MSRB3: variants seen among roughly 807,000 people sequenced by gnomAD.
MSRB3 encodes methionine-R-sulfoxide reductase B3.
Under a neutral mutation model 21.0 loss-of-function variants are expected in MSRB3, and 13 were observed. The ratio of observed to expected loss-of-function variants is 0.62; its 90% CI spans 0.40 to 0.98. The LOEUF (loss-of-function observed/expected upper bound fraction) is 0.98, where lower values mean the gene tolerates loss of function less well. Among genes scored for constraint, MSRB3 ranks in the 50% least tolerant of loss-of-function variants. The pLI is 0.00. For synonymous variants in MSRB3, 87 were observed against 88.6 expected (o/e 0.98, Z 0.10); for missense variants, 199 against 230.3 (o/e 0.86, Z 0.88).
intron 5 of MSRB3, among the ~76,000 whole-genome samples, chr12:65,405,611 G>A (rs1718068851): frequency 6.6e-6 from 1 of 152,070 alleles, no homozygotes; most frequent in Non-Finnish European, 1.5e-5. Context: ...TACCCCAGTA[G>A]TGGGATTTCT....
At chr12:65,354,312 G>C (rs1877242493) in intron 4 of MSRB3, among the ~76,000 whole-genome samples, 1 of 152,028 alleles carries the variant, frequency 6.6e-6, no homozygotes, top group Admixed American at 6.6e-5. Flanking sequence ...ATAATATCCT[G>C]CAGAGTGTTT....
At chr12:65,446,768 A>G (rs1487269986) in intron 5 of MSRB3, among the ~76,000 whole-genome samples, 1 of 152,150 alleles carries the variant, frequency 6.6e-6, no homozygotes, top group Non-Finnish European at 1.5e-5. Context: ...AATGGGTGTG[A>G]CCAATTAAAG....
intron 6 of MSRB3, among the ~76,000 whole-genome samples, chr12:65,456,831 C>T (rs993515341): frequency 6.6e-6 from 1 of 152,308 alleles, no homozygotes; most frequent in Non-Finnish European, 1.5e-5. Context: ...GGTATGTGTG[C>T]CACACCCTTG....
chr12:65,452,867 C>T (rs1425036990), intron 5 of MSRB3, among the ~76,000 whole-genome samples: 1 of 152,158 alleles, frequency 6.6e-6, no homozygotes, highest in South Asian at 2.1e-4. Context: ...AACATCGCCC[C>T]TCTTTCATCA....
chr12:65,411,724 A>G (rs1880724660), intron 5 of MSRB3, among the ~76,000 whole-genome samples: 1 of 149,844 alleles, frequency 6.7e-6, no homozygotes, highest in Non-Finnish European at 1.5e-5. Flanking sequence ...ATTAAGCTAG[A>G]TTTATAATAT....
intron 2 of MSRB3, among the ~76,000 whole-genome samples, chr12:65,322,901 A>C (rs567948790): frequency 6.6e-6 from 1 of 152,286 alleles, no homozygotes; most frequent in South Asian, 2.1e-4. Context: ...CCTGGCATGT[A>C]GGAGGACTCA....
intron 1 of MSRB3, among the ~76,000 whole-genome samples, chr12:65,287,264 A>T (rs1030432974): frequency 2.6e-5 from 4 of 151,250 alleles, no homozygotes; most frequent in Admixed American, 2.0e-4. Flanking sequence ...CTAGGACTAC[A>T]GGCTTGTGTC....
intron 1 of MSRB3, among the ~76,000 whole-genome samples, chr12:65,302,500 C>A (rs148255680): frequency 3.9e-5 from 6 of 152,222 alleles, no homozygotes; most frequent in African/African-American, 1.4e-4. Context: ...TTTTCATGTT[C>A]ATCAGCACCT....
intron 4 of MSRB3, among the ~76,000 whole-genome samples, chr12:65,346,302 C>T (rs374900972): frequency 5.1e-4 from 78 of 152,030 alleles, no homozygotes; most frequent in East Asian, 2.1e-3. Context: ...TGGTATCTCA[C>T]TGTGGTTTTG....
chr12:65,287,564 G>T (rs552344754), intron 1 of MSRB3, among the ~76,000 whole-genome samples: 2 of 152,166 alleles, frequency 1.3e-5, no homozygotes, highest in African/African-American at 4.8e-5. Context: ...GAAAGGTAAG[G>T]TCATATCTTC....
At chr12:65,337,005 C>A (rs1309820116) in intron 4 of MSRB3, among the ~76,000 whole-genome samples, 1 of 151,956 alleles carries the variant, frequency 6.6e-6, no homozygotes, top group Non-Finnish European at 1.5e-5. Context: ...GCACTTTGGG[C>A]GGCTGAGGCG....
intron 4 of MSRB3, among the ~76,000 whole-genome samples, chr12:65,334,175 C>T (rs936664256): frequency 5.3e-4 from 80 of 152,308 alleles, no homozygotes; most frequent in African/African-American, 1.8e-3. Context: ...AGGCCTTCCA[C>T]TGAATAGCTC....
At chr12:65,369,951 A>G (rs548104515) in intron 5 of MSRB3, among the ~76,000 whole-genome samples, 114 of 152,210 alleles carry the variant, frequency 7.5e-4, no homozygotes, top group Non-Finnish European at 1.2e-3. Context: ...TCCTTTTGAT[A>G]GTAGTGTTAA....
In MSRB3 at chr12:65,326,906, C is replaced by T. The variant is rs1401233586; in HGVS notation, c.157C>T (p.His53Tyr). ...GAAGCGGCTAACACCCCTGCAGTAC[C>T]ATGTCACTCAGGAGAAAGGGACCGA... The part of the protein sequence containing the change: ...LRKRLTPLQY[H>Y]VTQEKGTESA... The change falls in exon 3 of 7, where the codon CAT (histidine) becomes TAT (tyrosine). Residue 53 changes from histidine to tyrosine, a missense_variant. Coordinates refer to ENST00000308259, the MANE Select transcript of MSRB3 (RefSeq NM_001031679.3). The T allele has an allele frequency of 1.9e-6, 3 of 1,613,740 alleles. No homozygotes were observed. Among genetic ancestry groups the T allele is most frequent in the Non-Finnish European group, 2.5e-6 (3 of 1,179,748 alleles).
intron 5 of MSRB3, among the ~76,000 whole-genome samples, chr12:65,432,493 C>A (rs1278642126): frequency 6.6e-6 from 1 of 151,868 alleles, no homozygotes; most frequent in Non-Finnish European, 1.5e-5. Flanking sequence ...ACAATTAAAG[C>A]AATTAATTTC....
chr12:65,410,666 A>G (rs758356263), intron 5 of MSRB3, among the ~76,000 whole-genome samples: 1 of 152,132 alleles, frequency 6.6e-6, no homozygotes, highest in Non-Finnish European at 1.5e-5. Flanking sequence ...CCAGCTCAGC[A>G]ACTTGCTCAT....
intron 4 of MSRB3, among the ~76,000 whole-genome samples, chr12:65,351,689 A>G (rs1877006794): frequency 6.7e-6 from 1 of 149,954 alleles, no homozygotes; most frequent in Non-Finnish European, 1.5e-5. Context: ...AAACACCTCT[A>G]TGCAAATAAA....
intron 5 of MSRB3, among the ~76,000 whole-genome samples, chr12:65,374,301 A>T (rs1010167913): frequency 2.0e-5 from 3 of 152,200 alleles, no homozygotes; most frequent in African/African-American, 7.2e-5. Flanking sequence ...AATATTGACT[A>T]TTCATCTATT....
chr12:65,395,024 A>G (rs919153326), intron 5 of MSRB3, among the ~76,000 whole-genome samples: 1 of 152,228 alleles, frequency 6.6e-6, no homozygotes, highest in Admixed American at 6.5e-5. Flanking sequence ...ATTTCTGTTC[A>G]GCATTATGCT....
Sources: allele counts gnomAD v4.1 joint callset (sites outside exome capture counted in the v4.1 genomes callset), GRCh38; gene constraint gnomAD v4.1.1; transcripts MANE v1.5; gene names NCBI Gene and HGNC (gene_info 2026-07-23, HGNC 2026-07-21).